The following NFILZ variants were observed in gnomAD, a reference collection of about 807,000 sequenced individuals.
The protein encoded by NFILZ is NFIL3 like protein.
intron 3 of NFILZ, among the ~76,000 whole-genome samples, chr19:8,671,965 G>A (rs1175041958): frequency 6.6e-6 from 1 of 152,236 alleles, no homozygotes; most frequent in East Asian, 1.9e-4. Flanking sequence ...CCAGCCCTTT[G>A]TGGGGAGAGA....
At chr19:8,640,664 C>T (rs2042915436) in intron 3 of NFILZ, among the ~76,000 whole-genome samples, 1 of 152,188 alleles carries the variant, frequency 6.6e-6, no homozygotes, top group Non-Finnish European at 1.5e-5. Context: ...GAAGCAGCCA[C>T]ATTGCACCAG....
In NFILZ at chr19:8,633,944, T is replaced by TTCCC. The variant is rs1343334908; in HGVS notation, c.-261+1325_-261+1328dup. On this transcript the variant is annotated intron_variant, in intron 2 of 5. Transcript: ENST00000691075. Reference sequence around the variant, plus strand: ...CTTCCTTCCTTCCTTCCTTCCTTCCTTCCCTCCCTTCTTTCCTTCTCTCTC... The same window carrying TTCCC: ...CTTCCTTCCTTCCTTCCTTCCTTCCTTCCCTCCCTCCCTTCTTTCCTTCTCTCTC... Among the ~76,000 whole-genome samples, 25 of 130,154 alleles carry TTCCC rather than the reference T, an allele frequency of 1.9e-4. No homozygotes were observed. The South Asian group carries it at 5.7e-3, about 30-fold the overall frequency. The allele number at this position is 130,154 out of a possible 152,430, so 85.4% of individuals were successfully genotyped here. A position where few individuals can be genotyped will look rare whatever the true frequency, so the allele number is the denominator to read the frequency against.
At position 8,647,786 on chromosome 19, in the gene NFILZ, C is replaced by CAT. The variant is rs1568419388; in HGVS notation, c.-164+12040_-164+12041insAT. Among the ~76,000 whole-genome samples, 6 of 102,602 alleles carry CAT rather than the reference C, an allele frequency of 5.8e-5. 1 individual carries two copies. The highest frequency in any genetic ancestry group is 6.6e-4 in the South Asian group (2 of 3,036). The allele number at this position is 102,602 out of a possible 152,430, so 67.3% of individuals were successfully genotyped here. On this transcript the variant is annotated intron_variant, in intron 3 of 5. Coordinates refer to ENST00000691075, the MANE Select transcript of NFILZ (RefSeq NM_001378600.1). Reference sequence around the variant, plus strand: ...ACACACACACGCACACATGCGCGCGCGCGCGCGCGCACACACACACACACA... The same window carrying CAT: ...ACACACACACGCACACATGCGCGCGCATGCGCGCGCGCACACACACACACACA...
intron 3 of NFILZ, among the ~76,000 whole-genome samples, chr19:8,667,046 G>T (rs1030929): frequency 6.6e-6 from 1 of 151,296 alleles, no homozygotes; most frequent in Non-Finnish European, 1.5e-5. Flanking sequence ...CACCTCGCTC[G>T]GCTGTTGGCC....
intron 3 of NFILZ, among the ~76,000 whole-genome samples, chr19:8,641,096 A>T (rs1375394515): frequency 1.3e-5 from 2 of 152,054 alleles, no homozygotes; most frequent in Non-Finnish European, 2.9e-5. Context: ...TCAAGAGCAT[A>T]TTCTCCAATG....
intron 3 of NFILZ, among the ~76,000 whole-genome samples, chr19:8,671,798 T>C (rs901710660): frequency 2.4e-4 from 37 of 152,172 alleles, no homozygotes; most frequent in African/African-American, 8.0e-4. Flanking sequence ...TCCGTTGAAG[T>C]TGGAATGGTT....
intron 3 of NFILZ, among the ~76,000 whole-genome samples, chr19:8,639,097 G>A (rs1321707675): frequency 2.0e-5 from 3 of 152,128 alleles, no homozygotes; most frequent in Non-Finnish European, 4.4e-5. Flanking sequence ...GCCCGACTCG[G>A]CCTCCCAAAG....
At chr19:8,661,030 TC>T (rs2043028155) in intron 3 of NFILZ, among the ~76,000 whole-genome samples, 1 of 26,222 alleles carries the variant, frequency 3.8e-5, no homozygotes, top group Non-Finnish European at 7.5e-5. Context: ...CCTCCCTCCC[TC>T]TCCCTCCCTT....
rs145323098 is a variant in NFILZ, at chr19:8,680,505, A to C, written c.*2870A>C. On this transcript the variant is annotated 3_prime_UTR_variant, in exon 6 of 6. Transcript: ENST00000691075. Reference sequence around the variant, plus strand: ...ATGTTTAAGACAACTTCCATGTCTCAAGATCATAAAGATAGTCTCCTATCT... The same window carrying C: ...ATGTTTAAGACAACTTCCATGTCTCCAGATCATAAAGATAGTCTCCTATCT... 5.3e-4 allele frequency among the ~76,000 whole-genome samples: 81 copies of C among 152,292 alleles called. No homozygotes were observed. The highest frequency in any genetic ancestry group is 1.9e-3 in the African/African-American group (80 of 41,560).
intron 3 of NFILZ, among the ~76,000 whole-genome samples, chr19:8,654,237 C>A (rs1241707991): frequency 2.1e-5 from 3 of 145,054 alleles, no homozygotes; most frequent in African/African-American, 5.1e-5. Flanking sequence ...TGTCTCAAAA[C>A]AAACAAACAA....
chr19:8,652,831 ACTTT>A (rs559663501), intron 3 of NFILZ, among the ~76,000 whole-genome samples: 13 of 62,720 alleles, frequency 2.1e-4, no homozygotes, highest in Non-Finnish European at 3.8e-4. Flanking sequence ...CTTCTTTCTC[ACTTT>A]CTCTTTCTTT....
At chr19:8,668,926 C>T (rs992086650) in intron 3 of NFILZ, among the ~76,000 whole-genome samples, 5 of 152,118 alleles carry the variant, frequency 3.3e-5, no homozygotes, top group East Asian at 1.9e-4. Context: ...AGAGTGTGGC[C>T]GGAGAAGTCC....
At chr19:8,666,816 C>A (rs1289957201) in intron 3 of NFILZ, among the ~76,000 whole-genome samples, 1 of 152,108 alleles carries the variant, frequency 6.6e-6, no homozygotes, top group Non-Finnish European at 1.5e-5. Context: ...TCACTACAGC[C>A]TCGACCTCCC....
chr19:8,653,809 G>A (rs1013231494), intron 3 of NFILZ, among the ~76,000 whole-genome samples: 9 of 152,316 alleles, frequency 5.9e-5, no homozygotes, highest in African/African-American at 2.2e-4. Context: ...TGGATTTCAG[G>A]CCCTTGGGGT....
chr19:8,674,737 G>A (rs1374930623), intron 4 of NFILZ, among the ~76,000 whole-genome samples, 137 bp downstream of exon 4: 1 of 152,120 alleles, frequency 6.6e-6, no homozygotes, highest in Non-Finnish European at 1.5e-5. Flanking sequence ...GTTGCTATTT[G>A]TCTGGTTGTA....
At chr19:8,658,001 C>A (rs868993697) in intron 3 of NFILZ, among the ~76,000 whole-genome samples, 7 of 151,986 alleles carry the variant, frequency 4.6e-5, no homozygotes, top group Admixed American at 1.3e-4. Flanking sequence ...CTCTCCCTGG[C>A]GAGGGGGGAA....
At position 8,680,890 on chromosome 19, in the gene NFILZ, C is replaced by T. The variant is rs563403619; in HGVS notation, c.*3255C>T. 6.6e-5 allele frequency among the ~76,000 whole-genome samples: 10 copies of T among 152,014 alleles called. No individual in the cohort carries two copies. In the South Asian group the frequency reaches 1.9e-3, roughly 28 times the overall value. On this transcript the variant is annotated 3_prime_UTR_variant, in exon 6 of 6. Transcript: ENST00000691075. The stretch of plus-strand genomic sequence containing the variant: ...CAAAGGCCCTGAGGTGGGATAGTGC[C>T]TAGTGTTTTGAGGAAGATTGAGGAG...
At chr19:8,651,528 A>G (rs1231434336) in intron 3 of NFILZ, among the ~76,000 whole-genome samples, 1 of 151,116 alleles carries the variant, frequency 6.6e-6, no homozygotes, top group Non-Finnish European at 1.5e-5. Context: ...TATTTCTTCT[A>G]TCTAACTTTT....
rs2043113624 is a variant in NFILZ at position 8,677,071 on chromosome 19, T to C, written c.306T>C (p.Gly102=). The change falls in exon 6 of 6, where the codon GGT becomes GGC. Residue 102 remains glycine (G), a synonymous_variant. Transcript: ENST00000691075. ...KLRFGLLPLT[G]GPRALPLQAL... is the part of the protein sequence containing the mutation. Reference sequence around the variant, plus strand: ...GCTTTGGCCTCCTGCCCCTGACTGGTGGGCCCCGGGCCTTGCCCCTGCAGG... The same window carrying C: ...GCTTTGGCCTCCTGCCCCTGACTGGCGGGCCCCGGGCCTTGCCCCTGCAGG... 1 of 152,762 alleles carries C rather than the reference T, an allele frequency of 6.5e-6. No homozygotes were observed. The highest frequency in any genetic ancestry group is 1.5e-5 in the Non-Finnish European group (1 of 68,462). The allele number at this position is 152,762 out of a possible 1,614,324, so 9.5% of individuals were successfully genotyped here. A position where few individuals can be genotyped will look rare whatever the true frequency, so the allele number is the denominator to read the frequency against.
Sources: gnomAD v4.1 joint callset for allele counts (sites outside exome capture counted in the v4.1 genomes callset) on GRCh38, gnomAD v4.1.1 for gene constraint, MANE v1.5 for transcripts, NCBI Gene and HGNC (gene_info 2026-07-23, HGNC 2026-07-21) for gene names.